RPL6: variants seen among roughly 807,000 people sequenced by gnomAD.
RPL6 encodes ribosomal protein L6.
In RPL6, 1 loss-of-function variant was observed where a neutral mutation model predicts 32.1. The observed-to-expected ratio is 0.03, with a 90% CI of 0.01 to 0.15. The LOEUF (loss-of-function observed/expected upper bound fraction) is 0.15. RPL6 is among the 10% of genes least tolerant of loss of function. The pLI is 1.00. For synonymous variants in RPL6, 126 were observed against 131.6 expected, an observed-to-expected ratio of 0.96 and a Z score of 0.29; for missense variants, 275 against 354.6, an observed-to-expected ratio of 0.78 and a Z score of 1.80.
Position 112,408,341 on chromosome 12 carries a change from A to T in RPL6, c.238-3T>A. 6.2e-7 allele frequency: 1 copy of T among 1,614,136 alleles called. No homozygotes were observed. Among genetic ancestry groups the T allele is most frequent in the Non-Finnish European group, 8.5e-7 (1 of 1,179,988 alleles). On this transcript the variant is annotated splice_region_variant and splice_polypyrimidine_tract_variant and intron_variant, in intron 2 of 6. Transcript: ENST00000202773. ...TTCTCCTTCTTTTTCTTTTCAACCT[A>T]CAAGGACACAAATGCATCAACAGTA...
At chr12:112,407,100 G>T in intron 3 of RPL6, 1 of 505,822 alleles carries the variant, frequency 2.0e-6, no homozygotes, top group Non-Finnish European at 3.5e-6. Context: ...ACCATTTAAT[G>T]AATGAGATGT....
intron 1 of RPL6, among the ~76,000 whole-genome samples, chr12:112,415,587 G>A (rs932797402): frequency 1.3e-5 from 2 of 151,944 alleles, no homozygotes; most frequent in Non-Finnish European, 2.9e-5. Context: ...ATGGTTGTGC[G>A]TGCCTGTAAT....
chr12:112,408,214 T>C (rs2037235125), intron 3 of RPL6, 26 bp downstream of exon 3: 1 of 1,558,982 alleles, frequency 6.4e-7, no homozygotes, highest in Non-Finnish European at 8.8e-7. Context: ...AAACAGAAAA[T>C]CCAATTTACA....
upstream of RPL6, among the ~76,000 whole-genome samples, chr12:112,413,104 C>T (rs531567366): frequency 2.6e-5 from 4 of 152,170 alleles, no homozygotes; most frequent in South Asian, 8.3e-4. Context: ...ACGTATGCAT[C>T]AAGGAACAGA....
chr12:112,410,008 GAAA>G (rs367708899), upstream of RPL6, among the ~76,000 whole-genome samples: 1 of 74,500 alleles, frequency 1.3e-5, no homozygotes, highest in Non-Finnish European at 3.0e-5. Context: ...TCTCAAAAAA[GAAA>G]AAAAAAAAAA....
chr12:112,409,837 C>T (rs765471327), upstream of RPL6, among the ~76,000 whole-genome samples: 2 of 150,118 alleles, frequency 1.3e-5, no homozygotes, highest in Non-Finnish European at 3.0e-5. Context: ...ATGGTGAAAT[C>T]CCGTCTCTAC....
intron 1 of RPL6, chr12:112,408,978 A>C: frequency 3.1e-6 from 1 of 321,984 alleles, no homozygotes; most frequent in Admixed American, 4.4e-5. Context: ...CGAATTAGAA[A>C]ACTTAGATGC....
intron 4 of RPL6, 169 bp from the exon 5 acceptor site, chr12:112,406,511 C>T: frequency 1.3e-6 from 1 of 786,596 alleles, no homozygotes; most frequent in Non-Finnish European, 2.0e-6. Context: ...GTACTCCAGA[C>T]ATAAACACGT....
At chr12:112,411,275 A>G (rs1189386971), upstream of RPL6, 1 of 152,244 alleles carries the variant, frequency 6.6e-6, no homozygotes, top group Non-Finnish European at 1.5e-5. Flanking sequence ...AAAGCCCTTA[A>G]GCCAACATGT....
At chr12:112,415,219 G>C (rs976151197), upstream of RPL6, among the ~76,000 whole-genome samples, 1 of 150,800 alleles carries the variant, frequency 6.6e-6, no homozygotes, top group African/African-American at 2.5e-5. Flanking sequence ...GCATGGCTGG[G>C]TCATAGAGAA....
At chr12:112,409,918 A>G (rs1464784596), upstream of RPL6, among the ~76,000 whole-genome samples, 1 of 151,340 alleles carries the variant, frequency 6.6e-6, no homozygotes, top group Non-Finnish European at 1.5e-5. Context: ...GCGCGGAGGC[A>G]GGAGAATCAC....
upstream of RPL6, among the ~76,000 whole-genome samples, chr12:112,411,664 A>G (rs1378243032): frequency 1.3e-5 from 2 of 152,152 alleles, no homozygotes. Context: ...GCCCCAAAAT[A>G]TGTGTTGAAT....
chr12:112,410,144 C>CA (rs200173915), upstream of RPL6, among the ~76,000 whole-genome samples: 2,266 of 151,190 alleles, frequency 0.015, 62 homozygotes, highest in African/African-American at 0.051. Flanking sequence ...ATAACAACAA[C>CA]AAAAAAAAGA....
chr12:112,417,726 C>T (rs1249600615), intron 1 of RPL6, among the ~76,000 whole-genome samples: 1 of 151,380 alleles, frequency 6.6e-6, no homozygotes, highest in African/African-American at 2.4e-5. Context: ...GGCGCGATCT[C>T]GGCTTTCAGC....
intron 5 of RPL6, 125 bp from the exon 6 acceptor site, chr12:112,406,162 G>T: frequency 8.3e-7 from 1 of 1,201,510 alleles, no homozygotes; most frequent in Non-Finnish European, 1.2e-6. Context: ...TTGCACACAA[G>T]GCAATGAAAT....
At chr12:112,414,951 C>T (rs2037387123), upstream of RPL6, among the ~76,000 whole-genome samples, 1 of 151,648 alleles carries the variant, frequency 6.6e-6, no homozygotes, top group Non-Finnish European at 1.5e-5. Flanking sequence ...TTGGATGCTT[C>T]CTATATGATA....
chr12:112,417,754 C>T (rs529404048), intron 1 of RPL6, among the ~76,000 whole-genome samples: 145 of 149,070 alleles, frequency 9.7e-4, no homozygotes, highest in African/African-American at 3.5e-3. Flanking sequence ...ACCTTCCAGG[C>T]TCAAGCAATC....
At chr12:112,417,973 T>G (rs1473261209) in intron 1 of RPL6, among the ~76,000 whole-genome samples, 1 of 150,180 alleles carries the variant, frequency 6.7e-6, no homozygotes, top group Non-Finnish European at 1.5e-5. Flanking sequence ...CAAAGTAGTA[T>G]TTATTGTAAT....
At chr12:112,410,635 A>C (rs1170109473), upstream of RPL6, among the ~76,000 whole-genome samples, 1 of 119,226 alleles carries the variant, frequency 8.4e-6, no homozygotes, top group Non-Finnish European at 1.6e-5. Flanking sequence ...GTGTGGTGGC[A>C]CGATCTTGGC....
Sources: gnomAD v4.1 joint callset for allele counts (sites outside exome capture counted in the v4.1 genomes callset) on GRCh38, gnomAD v4.1.1 for gene constraint, MANE v1.5 for transcripts, NCBI Gene and HGNC (gene_info 2026-07-23, HGNC 2026-07-21) for gene names.